Variants in ARL8A observed in about 807,000 individuals in gnomAD.
The protein encoded by ARL8A is ARF like GTPase 8A, also known as ADP-ribosylation factor-like protein 8A.
ARL8A carries 10 observed loss-of-function variants against 31.2 expected under a neutral mutation model. The ratio of observed to expected loss-of-function variants is 0.32; its 90% CI spans 0.20 to 0.54. The LOEUF (loss-of-function observed/expected upper bound fraction) is 0.54, where lower values mean the gene tolerates loss of function less well. Among genes scored for constraint, ARL8A ranks in the 20% least tolerant of loss-of-function variants. The pLI, the probability that ARL8A is intolerant of heterozygous loss-of-function variation, is 0.93. For synonymous variants in ARL8A, 70 were observed against 86.9 expected, an observed-to-expected ratio of 0.81 and a Z score of 1.08; for missense variants, 129 against 242.8, an observed-to-expected ratio of 0.53 and a Z score of 3.12.
At chr1:202,142,343 G>C (rs1409967849) in intron 1 of ARL8A, among the ~76,000 whole-genome samples, 1 of 152,232 alleles carries the variant, frequency 6.6e-6, no homozygotes, top group Non-Finnish European at 1.5e-5. Flanking sequence ...ACAGGCACAG[G>C]TAATTCAGAA....
At chr1:202,140,853 T>C (rs1207271763) in intron 1 of ARL8A, among the ~76,000 whole-genome samples, 2 of 152,192 alleles carry the variant, frequency 1.3e-5, no homozygotes, top group African/African-American at 4.8e-5. Flanking sequence ...TTCTTGTTTG[T>C]CTCTCATCCC....
In ARL8A at chr1:202,134,909, G is replaced by C. The variant is rs886950542; in HGVS notation, c.511+241C>G. 6.6e-6 allele frequency among the ~76,000 whole-genome samples: 1 copy of C among 152,200 alleles called. No homozygotes were observed. Among genetic ancestry groups the C allele is most frequent in the East Asian group, 1.9e-4 (1 of 5,194 alleles). ...AGGGACCTGAGAATCACCGGGTCCA[G>C]CCCTGGAATCTTAGAAACGAGGAGG... On this transcript the variant is annotated intron_variant, in intron 6 of 6. Transcript: ENST00000272217. The surrounding 1 kb of genome is among the most constrained non-coding windows in gnomAD (Gnocchi z 4.2).
In ARL8A at chr1:202,135,382, A is replaced by AGCAGC; in HGVS notation, c.440+72_440+76dup. On this transcript the variant is annotated intron_variant, in intron 5 of 6. Coordinates refer to ENST00000272217, the MANE Select transcript of ARL8A (RefSeq NM_138795.4). The surrounding 1 kb of genome is among the most constrained non-coding windows in gnomAD (Gnocchi z 5.3). ...CCACCGTGTGGCTAATACTAAGAAC[A>AGCAGC]GCAGCAAGCCTAGGCTGTTGGTCTG... The AGCAGC allele has an allele frequency of 6.4e-7, 1 of 1,555,888 alleles. No individual in the cohort carries two copies.
At chr1:202,142,495 C>G (rs950274096) in intron 1 of ARL8A, among the ~76,000 whole-genome samples, 3 of 152,192 alleles carry the variant, frequency 2.0e-5, no homozygotes, top group Non-Finnish European at 2.9e-5. Context: ...CTGGAGTGAC[C>G]GGGACACTGG....
At position 202,135,613 on chromosome 1, in the gene ARL8A, CCT is replaced by C; in HGVS notation, c.373-89_373-88del. 1.3e-6 allele frequency: 2 copies of C among 1,577,094 alleles called. No homozygotes were observed. Among genetic ancestry groups the C allele is most frequent in the Non-Finnish European group, 1.7e-6 (2 of 1,147,160 alleles). The stretch of plus-strand genomic sequence containing the variant: ...TGAGCTGGCCTCCTGGGTCCCGTTT[CCT>C]CTCTGCGCCCCTACCATGCCTGGCT... On this transcript the variant is annotated intron_variant, in intron 4 of 6. Transcript: ENST00000272217. The surrounding 1 kb of genome is among the most constrained non-coding windows in gnomAD (Gnocchi z 5.3).
chr1:202,135,138 C>T lies in ARL8A; in HGVS notation c.511+12G>A. 6.2e-7 allele frequency: 1 copy of T among 1,612,158 alleles called. No individual in the cohort carries two copies. The highest frequency in any genetic ancestry group is 8.5e-7 in the Non-Finnish European group (1 of 1,178,204). On this transcript the variant is annotated intron_variant, in intron 6 of 6. Coordinates refer to ENST00000272217, the MANE Select transcript of ARL8A (RefSeq NM_138795.4). This position sits in a 1 kb window ranked among gnomAD's most constrained non-coding sequence, Gnocchi z 5.3. ...CCTCTCCCCTCTCCTCCCTTTCCCC[C>T]ATCCTACGCACCAATGTTGTCCTTT... is the stretch of plus-strand genomic sequence containing the variant.
In ARL8A at chr1:202,144,733, G is replaced by C; in HGVS notation, c.-161C>G. 1 of 777,094 alleles carries C rather than the reference G, an allele frequency of 1.3e-6. No homozygotes were observed. Among genetic ancestry groups the C allele is most frequent in the Non-Finnish European group, 1.6e-6 (1 of 630,662 alleles). 48.1% of individuals were successfully genotyped at this position (777,094 alleles called of 1,614,324 possible). A position where few individuals can be genotyped will look rare whatever the true frequency, so the allele number is the denominator to read the frequency against. ...GCCGACGACTCGCTGCCCCGGAATCGGCTCGCCGATGGGTGTGGCTTCCGC... is the reference window on the plus strand; with the variant it reads ...GCCGACGACTCGCTGCCCCGGAATCCGCTCGCCGATGGGTGTGGCTTCCGC... On this transcript the variant is annotated 5_prime_UTR_variant, in exon 1 of 7. Coordinates refer to ENST00000272217, the MANE Select transcript of ARL8A (RefSeq NM_138795.4). This position sits in a 1 kb window ranked among gnomAD's most constrained non-coding sequence, Gnocchi z 5.2.
Position 202,144,694 on chromosome 1 carries a change from G to A in ARL8A, c.-122C>T. On this transcript the variant is annotated 5_prime_UTR_variant, in exon 1 of 7. Coordinates refer to ENST00000272217, the MANE Select transcript of ARL8A (RefSeq NM_138795.4). The surrounding 1 kb of genome is among the most constrained non-coding windows in gnomAD (Gnocchi z 5.2). ...GTCCCGCGGCTCGGTGCGGGCGGAG[G>A]CTCGAGCGCGGCTGCCGACGACTCG... 3 of 1,011,510 alleles carry A rather than the reference G, an allele frequency of 3.0e-6. No homozygotes were observed. Among genetic ancestry groups the A allele is most frequent in the Non-Finnish European group, 3.6e-6 (3 of 837,864 alleles). The allele number at this position is 1,011,510 out of a possible 1,614,324, so 62.7% of individuals were successfully genotyped here.
Position 202,134,184 on chromosome 1 carries a change from G to T in ARL8A, c.*283C>A, listed in dbSNP as rs141523342. 0.012 allele frequency: 5,997 copies of T among 486,950 alleles called. 66 individuals carry two copies. Among genetic ancestry groups the T allele is most frequent in the Middle Eastern group, 0.023 (42 of 1,790 alleles). The allele number at this position is 486,950 out of a possible 1,614,324, so 30.2% of individuals were successfully genotyped here. ...AGCGGGCCGGGGAAAAGCCAGGGGC[G>T]GGGGCTGTGGCCCAGGGCTGCTGGG... On this transcript the variant is annotated 3_prime_UTR_variant, in exon 7 of 7. Transcript: ENST00000272217. This position sits in a 1 kb window ranked among gnomAD's most constrained non-coding sequence, Gnocchi z 4.2.
intron 1 of ARL8A, among the ~76,000 whole-genome samples, chr1:202,140,179 G>C (rs1239551863): frequency 6.6e-6 from 1 of 151,892 alleles, no homozygotes; most frequent in Non-Finnish European, 1.5e-5. Flanking sequence ...GCCCAGGCAG[G>C]AGTGCAGTGG....
At chr1:202,142,619 T>G (rs1387184302) in intron 1 of ARL8A, among the ~76,000 whole-genome samples, 1 of 152,144 alleles carries the variant, frequency 6.6e-6, no homozygotes, top group Non-Finnish European at 1.5e-5. Flanking sequence ...AATTTAAGAT[T>G]AAAAAGGGGA....
rs764351219 is a variant in ARL8A at position 202,138,145 on chromosome 1, C to G, written c.205-107G>C. On this transcript the variant is annotated intron_variant, in intron 2 of 6. Transcript: ENST00000272217. The surrounding 1 kb of genome is among the most constrained non-coding windows in gnomAD (Gnocchi z 4.4). ...CCTGCCCTACTCTCCTCTGCCTCCCCGGCTTCCTCTCCAGTTCTCCCCCGT... is the reference window on the plus strand; with the variant it reads ...CCTGCCCTACTCTCCTCTGCCTCCCGGGCTTCCTCTCCAGTTCTCCCCCGT... 2.2e-6 allele frequency: 3 copies of G among 1,340,340 alleles called. No individual in the cohort carries two copies. The highest frequency in any genetic ancestry group is 1.8e-5 in the Admixed American group (1 of 54,154). 83.0% of individuals were successfully genotyped at this position (1,340,340 alleles called of 1,614,324 possible). A position where few individuals can be genotyped will look rare whatever the true frequency, so the allele number is the denominator to read the frequency against.
intron 1 of ARL8A, among the ~76,000 whole-genome samples, chr1:202,143,795 T>G (rs1259185859): frequency 6.6e-6 from 1 of 152,146 alleles, no homozygotes; most frequent in Non-Finnish European, 1.5e-5. Context: ...AGACGGAGTC[T>G]CCAAACTCCC....
intron 3 of ARL8A, among the ~76,000 whole-genome samples, chr1:202,137,698 G>A (rs1315882966): frequency 6.6e-6 from 1 of 152,156 alleles, no homozygotes; most frequent in Non-Finnish European, 1.5e-5. Context: ...TTGAGGGGAG[G>A]GAGACAAGTC....
chr1:202,135,595 G>A lies in ARL8A; in HGVS notation c.373-69C>T, dbSNP rs866815869. 6.3e-7 allele frequency: 1 copy of A among 1,585,244 alleles called. No homozygotes were observed. Among genetic ancestry groups the A allele is most frequent in the African/African-American group, 1.3e-5 (1 of 74,346 alleles). On this transcript the variant is annotated intron_variant, in intron 4 of 6. Coordinates refer to ENST00000272217, the MANE Select transcript of ARL8A (RefSeq NM_138795.4). This position sits in a 1 kb window ranked among gnomAD's most constrained non-coding sequence, Gnocchi z 5.3. The stretch of plus-strand genomic sequence containing the variant: ...CCCAGGTTGTCTGGGTGGTGAGCTG[G>A]CCTCCTGGGTCCCGTTTCCTCTCTG...
rs1271819798 is a variant in ARL8A, at chr1:202,134,098, A to G, written c.*369T>C. ...CTTAAATTAAAAAATTAAAATATAT[A>G]TACATATATATACTGTACACACAGG... On this transcript the variant is annotated 3_prime_UTR_variant, in exon 7 of 7. Coordinates refer to ENST00000272217, the MANE Select transcript of ARL8A (RefSeq NM_138795.4). The surrounding 1 kb of genome is among the most constrained non-coding windows in gnomAD (Gnocchi z 4.2). 1.3e-5 allele frequency: 2 copies of G among 155,646 alleles called. No individual in the cohort carries two copies. Among genetic ancestry groups the G allele is most frequent in the African/African-American group, 4.8e-5 (2 of 41,522 alleles). 9.6% of individuals were successfully genotyped at this position (155,646 alleles called of 1,614,324 possible).
At position 202,138,524 on chromosome 1, in the gene ARL8A, C is replaced by T. The variant is rs1655080444; in HGVS notation, c.124-76G>A. The T allele has an allele frequency of 2.1e-6, 3 of 1,407,882 alleles. No individual in the cohort carries two copies. The highest frequency in any genetic ancestry group is 4.6e-5 in the East Asian group (2 of 43,790). The allele number at this position is 1,407,882 out of a possible 1,614,324, so 87.2% of individuals were successfully genotyped here. A position where few individuals can be genotyped will look rare whatever the true frequency, so the allele number is the denominator to read the frequency against. On this transcript the variant is annotated intron_variant, in intron 1 of 6. Coordinates refer to ENST00000272217, the MANE Select transcript of ARL8A (RefSeq NM_138795.4). The surrounding 1 kb of genome is among the most constrained non-coding windows in gnomAD (Gnocchi z 4.4). ...ACCGCAGACCAAGAGGCTGCGAGAA[C>T]CATGCAGAGGCCAGGCCAGAGCTTC...
chr1:202,144,555 G>T lies in ARL8A; in HGVS notation c.18C>A (p.Asn6Lys). Residue 6 changes from asparagine (N) to lysine (K), a missense_variant, in exon 1 of 7, where the codon AAC (asparagine) becomes AAA (lysine). Asn to Lys is a moderately conservative substitution (Grantham distance 94). Coordinates refer to ENST00000272217, the MANE Select transcript of ARL8A (RefSeq NM_138795.4). This position sits in a 1 kb window ranked among gnomAD's most constrained non-coding sequence, Gnocchi z 5.2. MIALF[N>K]KLLDWFKALF... ...GGGCCTTGAACCAGTCCAGCAGCTT[G>T]TTGAACAAAGCGATCATGGTCGCTG... 1 of 1,443,618 alleles carries T rather than the reference G, an allele frequency of 6.9e-7. No individual in the cohort carries two copies. Among genetic ancestry groups the T allele is most frequent in the Non-Finnish European group, 9.3e-7 (1 of 1,078,016 alleles). The allele number at this position is 1,443,618 out of a possible 1,614,324, so 89.4% of individuals were successfully genotyped here. A position where few individuals can be genotyped will look rare whatever the true frequency, so the allele number is the denominator to read the frequency against.
In ARL8A at chr1:202,134,645, C is replaced by T. The variant is rs908828138; in HGVS notation, c.512-129G>A. 1 of 833,818 alleles carries T rather than the reference C, an allele frequency of 1.2e-6. No individual in the cohort carries two copies. The highest frequency in any genetic ancestry group is 1.7e-5 in the African/African-American group (1 of 59,686). 51.7% of individuals were successfully genotyped at this position (833,818 alleles called of 1,614,324 possible). ...AGATGCCAGGAGGGGTGGCGCACACCTGGAGTCTCAGCTACATGGGAAGCT... is the reference window on the plus strand; with the variant it reads ...AGATGCCAGGAGGGGTGGCGCACACTTGGAGTCTCAGCTACATGGGAAGCT... On this transcript the variant is annotated intron_variant, in intron 6 of 6. Transcript: ENST00000272217. The surrounding 1 kb of genome is among the most constrained non-coding windows in gnomAD (Gnocchi z 4.2).
Sources: gnomAD v4.1 joint callset for allele counts (sites outside exome capture counted in the v4.1 genomes callset) on GRCh38, gnomAD v4.1.1 for gene constraint, Gnocchi (gnomAD v3.1) non-coding constraint, MANE v1.5 for transcripts, NCBI Gene and HGNC (gene_info 2026-07-23, HGNC 2026-07-21) for gene names.